The following DLC1 variants were observed in gnomAD, a reference collection of about 807,000 sequenced individuals.
DLC1 encodes the protein DLC1 Rho GTPase activating protein, also known as rho GTPase-activating protein 7.
A neutral mutation model predicts 140.3 loss-of-function variants in DLC1; 54 were observed. The ratio of observed to expected loss-of-function variants is 0.38; its 90% CI spans 0.31 to 0.48. The LOEUF is 0.48. DLC1 is among the 20% of genes least tolerant of loss of function. DLC1 has a pLI of 0.96. For missense variants in DLC1, 2,536 were observed against 1,907.0 expected (o/e 1.33, Z -6.14); for synonymous variants, 986 against 728.1 (o/e 1.35, Z -5.70).
At chr8:13,148,124 T>C (rs868021105) in intron 5 of DLC1, among the ~76,000 whole-genome samples, 1 of 152,124 alleles carries the variant, frequency 6.6e-6, no homozygotes, top group Admixed American at 6.5e-5. Flanking sequence ...GTTTGATTTT[T>C]TTTTTTAATT....
At chr8:13,492,604 A>G (rs1430326523) in intron 2 of DLC1, among the ~76,000 whole-genome samples, 1 of 151,612 alleles carries the variant, frequency 6.6e-6, no homozygotes, top group Non-Finnish European at 1.5e-5. Flanking sequence ...CCCTGCTTGG[A>G]ATCTCCAGTG....
chr8:13,384,905 C>G (rs371075953), intron 4 of DLC1, among the ~76,000 whole-genome samples: 1 of 150,150 alleles, frequency 6.7e-6, no homozygotes, highest in African/African-American at 2.4e-5. Context: ...ACAGGCTTAT[C>G]CTAGAGGCTG....
intron 5 of DLC1, among the ~76,000 whole-genome samples, chr8:13,147,355 TTGAG>T (rs1326535202): frequency 1.3e-5 from 2 of 152,218 alleles, no homozygotes; most frequent in East Asian, 1.9e-4. Flanking sequence ...TTCAAGTGAA[TTGAG>T]TATTTCTCTG....
chr8:13,171,625 C>G (rs1486856690), intron 5 of DLC1, among the ~76,000 whole-genome samples: 1 of 152,116 alleles, frequency 6.6e-6, no homozygotes, highest in Non-Finnish European at 1.5e-5. Context: ...TGGCCTCAAG[C>G]AATCCTCCCT....
At position 13,445,306 on chromosome 8, in the gene DLC1, T is replaced by C. The variant is rs140878959; in HGVS notation, c.1024-43687A>G. Among the ~76,000 whole-genome samples the C allele has an allele frequency of 2.2e-4, 34 of 152,192 alleles. No individual in the cohort carries two copies. In the East Asian group the frequency reaches 6.2e-3, roughly 28 times the overall value. On this transcript the variant is annotated intron_variant, in intron 2 of 17. Coordinates refer to ENST00000276297, the MANE Select transcript of DLC1 (RefSeq NM_182643.3). ...CCAGGGAACAGAAAGCAGAATTGTT[T>C]TGGAGGAGATGTGGGAGGATAAACG...
chr8:13,095,205 A>G lies in DLC1; in HGVS notation c.3208T>C (p.Tyr1070His). The change falls in exon 11 of 18, where the codon TAC becomes CAC. Residue 1070 changes from tyrosine to histidine, a missense_variant. Physicochemically the swap from Tyr to His is moderately conservative, Grantham distance 83. Transcript: ENST00000276297. ...ACCCCAAACACACTCCGGTCCTTGTAGTCTGGAACCTTGATCCTCTTCATG... is the reference window on the plus strand; with the variant it reads ...ACCCCAAACACACTCCGGTCCTTGTGGTCTGGAACCTTGATCCTCTTCATG... ...KFMKRIKVPDYKDRSVFGVPL... is the reference protein window; with the variant it reads ...KFMKRIKVPDHKDRSVFGVPL... The G allele has an allele frequency of 6.2e-7, 1 of 1,614,232 alleles. No individual in the cohort carries two copies. The highest frequency in any genetic ancestry group is 8.5e-7 in the Non-Finnish European group (1 of 1,180,044).
intron 4 of DLC1, among the ~76,000 whole-genome samples, chr8:13,366,190 G>T (rs1463952301): frequency 1.3e-5 from 2 of 152,196 alleles, no homozygotes; most frequent in African/African-American, 4.8e-5. Context: ...CCTATTGGGA[G>T]CCCAGGGCTG....
Position 13,099,758 on chromosome 8 carries a change from G to A in DLC1, c.2579C>T (p.Pro860Leu), listed in dbSNP as rs753530293. 3.7e-6 allele frequency: 6 copies of A among 1,614,122 alleles called. No individual in the cohort carries two copies. The highest frequency in any genetic ancestry group is 5.1e-6 in the Non-Finnish European group (6 of 1,180,038). ...SLRRENSSDS[P>L]KELKRRNSSS... ...AGAATTGCGTCTCTTCAGTTCCTTGGGGCTGTCGCTACTGTTTTCCCTCCT... is the reference window on the plus strand; with the variant it reads ...AGAATTGCGTCTCTTCAGTTCCTTGAGGCTGTCGCTACTGTTTTCCCTCCT... The change falls in exon 9 of 18, where the codon CCC becomes CTC. Residue 860 changes from proline to leucine, a missense_variant. By Grantham distance (98) the Pro-to-Leu change is moderately conservative. Transcript: ENST00000276297.
chr8:13,518,592 A>G (rs1352475897), upstream of DLC1, among the ~76,000 whole-genome samples: 1 of 152,266 alleles, frequency 6.6e-6, no homozygotes, highest in Non-Finnish European at 1.5e-5. Flanking sequence ...CTTTGAAAAT[A>G]GTGTTTTACT....
At chr8:13,333,961 T>G (rs962507013) in intron 4 of DLC1, among the ~76,000 whole-genome samples, 1 of 152,182 alleles carries the variant, frequency 6.6e-6, no homozygotes. Flanking sequence ...AAAAGCCCCT[T>G]TGCTCATGAG....
intron 4 of DLC1, among the ~76,000 whole-genome samples, chr8:13,389,261 A>G (rs289554): frequency 0.67 from 101,592 of 151,972 alleles, 34,320 homozygotes; most frequent in East Asian, 0.9. Context: ...AACCTCAGAG[A>G]TTTTAATGTT....
At chr8:13,598,623 A>C (rs116020786) in intron 1 of DLC1, among the ~76,000 whole-genome samples, 54 of 152,222 alleles carry the variant, frequency 3.5e-4, no homozygotes, top group African/African-American at 1.1e-3. Context: ...TAAGCTGATG[A>C]ACACATTTAC....
intron 1 of DLC1, among the ~76,000 whole-genome samples, chr8:13,603,913 T>C (rs1415242435): frequency 1.3e-5 from 2 of 152,128 alleles, no homozygotes; most frequent in African/African-American, 4.8e-5. Context: ...ATATTTCTCT[T>C]GGACTGCGTG....
chr8:13,331,439 T>A (rs968430500), intron 4 of DLC1, among the ~76,000 whole-genome samples: 2 of 152,126 alleles, frequency 1.3e-5, no homozygotes, highest in African/African-American at 4.8e-5. Flanking sequence ...CAAAGAAGAT[T>A]GAGTAAAGAA....
chr8:13,085,573 T>G lies in DLC1; in HGVS notation c.*238A>C. 1 of 392,226 alleles carries G rather than the reference T, an allele frequency of 2.5e-6. No homozygotes were observed. Among genetic ancestry groups the G allele is most frequent in the Non-Finnish European group, 4.3e-6 (1 of 230,810 alleles). 24.3% of individuals were successfully genotyped at this position (392,226 alleles called of 1,614,324 possible). On this transcript the variant is annotated 3_prime_UTR_variant, in exon 18 of 18. Transcript: ENST00000276297. ...GAAGCAATTTGAATAAGAATACACA[T>G]AAATTTTTTTTTTTTTTTTGCACAG... is the stretch of plus-strand genomic sequence containing the variant.
At chr8:13,341,712 T>C (rs1410739449) in intron 4 of DLC1, 3 of 152,192 alleles carry the variant, frequency 2.0e-5, no homozygotes, top group Non-Finnish European at 4.4e-5. Flanking sequence ...TTCATCCTCC[T>C]GGTATGCAGC....
intron 5 of DLC1, among the ~76,000 whole-genome samples, chr8:13,134,360 A>G (rs574011409): frequency 6.6e-6 from 1 of 152,362 alleles, no homozygotes; most frequent in East Asian, 1.9e-4. Flanking sequence ...ACACAGCTGT[A>G]GACTGGGAGA....
intron 5 of DLC1, chr8:13,132,991 AGGC>A: frequency 6.2e-7 from 1 of 1,609,718 alleles, no homozygotes; most frequent in Non-Finnish European, 8.5e-7. Flanking sequence ...CAAGCACGGC[AGGC>A]GGCGGCGGAA....
upstream of DLC1, among the ~76,000 whole-genome samples, chr8:13,518,781 C>G (rs1009246935): frequency 6.6e-6 from 1 of 152,092 alleles, no homozygotes; most frequent in Admixed American, 6.5e-5. Context: ...GAAATATCTA[C>G]ATGCATACAG....
Sources: gnomAD v4.1 joint callset for allele counts (sites outside exome capture counted in the v4.1 genomes callset) on GRCh38, gnomAD v4.1.1 for gene constraint, MANE v1.5 for transcripts, NCBI Gene and HGNC (gene_info 2026-07-23, HGNC 2026-07-21) for gene names.